ADGRL3: variants seen among roughly 807,000 people sequenced by gnomAD.
The protein encoded by ADGRL3 is calcium-independent alpha-latrotoxin receptor 3.
ADGRL3 carries 62 observed loss-of-function variants against 153.5 expected under a neutral mutation model. The observed-to-expected ratio is 0.40, with a 90% confidence interval of 0.33 to 0.50. The LOEUF (loss-of-function observed/expected upper bound fraction) is 0.50. Ranked by LOEUF, ADGRL3 falls within the 20% of genes least tolerant of loss-of-function variation. The pLI is 0.47. For synonymous variants in ADGRL3, 710 were observed against 672.5 expected (o/e 1.06, Z -0.86); for missense variants, 1,641 against 1,859.4 (o/e 0.88, Z 2.16).
intron 1 of ADGRL3, among the ~76,000 whole-genome samples, chr4:61,231,808 A>T (rs1750777967): frequency 6.6e-6 from 1 of 152,114 alleles, no homozygotes; most frequent in Admixed American, 6.6e-5. Flanking sequence ...ATATAAATTA[A>T]TAAAAGGTAT....
At chr4:61,750,059 A>C (rs772587454) in intron 8 of ADGRL3, among the ~76,000 whole-genome samples, 12 of 151,892 alleles carry the variant, frequency 7.9e-5, no homozygotes, top group Non-Finnish European at 1.6e-4. Flanking sequence ...AGTGGAGCTG[A>C]ACCGTGCCAC....
chr4:61,764,856 G>A (rs7681799), intron 8 of ADGRL3, among the ~76,000 whole-genome samples: 147,324 of 150,568 alleles, frequency 0.98, 72,158 homozygotes, highest in Middle Eastern at 1. Context: ...AGTGGGAGAG[G>A]TTAAGCTGAA....
chr4:61,996,404 A>G, intron 20 of ADGRL3, 47 bp downstream of exon 20: 1 of 1,316,216 alleles, frequency 7.6e-7, no homozygotes. Context: ...AAGAAGTAAA[A>G]CTTTCACTAT....
chr4:61,856,950 C>CTTTCTT (rs767375117), intron 9 of ADGRL3, among the ~76,000 whole-genome samples: 7 of 56,970 alleles, frequency 1.2e-4, no homozygotes, highest in African/African-American at 2.6e-4. Context: ...CTTTCTTCTT[C>CTTTCTT]TCTTTCTTTC....
intron 8 of ADGRL3, among the ~76,000 whole-genome samples, chr4:61,784,734 AGAGT>A (rs1469208620): frequency 5.3e-5 from 8 of 152,096 alleles, no homozygotes; most frequent in Non-Finnish European, 1.0e-4. Context: ...TCAAAATGTG[AGAGT>A]TGGTTCACAG....
At chr4:61,628,653 TTC>T (rs1207944919) in intron 5 of ADGRL3, among the ~76,000 whole-genome samples, 3 of 152,206 alleles carry the variant, frequency 2.0e-5, no homozygotes, top group Non-Finnish European at 2.9e-5. Flanking sequence ...AGATGGTTGG[TTC>T]TTTTCTCCTG....
chr4:61,364,344 A>AAAAAT (rs57090550), intron 1 of ADGRL3, among the ~76,000 whole-genome samples: 1 of 144,904 alleles, frequency 6.9e-6, no homozygotes, highest in Non-Finnish European at 1.5e-5. Context: ...AAAAAAAAAA[A>AAAAAT]AATAATAATA....
intron 1 of ADGRL3, among the ~76,000 whole-genome samples, chr4:61,268,480 A>T (rs1268392678): frequency 1.3e-5 from 2 of 151,630 alleles, no homozygotes; most frequent in Non-Finnish European, 3.0e-5. Flanking sequence ...ATAAAGTTGT[A>T]TAAGAATTTC....
intron 21 of ADGRL3, among the ~76,000 whole-genome samples, chr4:62,005,504 G>T (rs894469366): frequency 6.6e-6 from 1 of 152,094 alleles, no homozygotes; most frequent in Non-Finnish European, 1.5e-5. Context: ...GGAGAGTCAA[G>T]TGCTAAGGAT....
At chr4:61,959,856 G>C (rs1475123134) in intron 17 of ADGRL3, among the ~76,000 whole-genome samples, 2 of 152,060 alleles carry the variant, frequency 1.3e-5, no homozygotes, top group Admixed American at 6.6e-5. Flanking sequence ...CCTATTCCTA[G>C]TTCTTACACT....
chr4:61,964,605 T>C (rs1468343546), intron 17 of ADGRL3, among the ~76,000 whole-genome samples: 2 of 152,092 alleles, frequency 1.3e-5, no homozygotes, highest in Non-Finnish European at 2.9e-5. Flanking sequence ...TATGTGAACA[T>C]TGGGAATTCC....
At chr4:61,577,103 C>T (rs1389266043) in intron 4 of ADGRL3, among the ~76,000 whole-genome samples, 1 of 150,540 alleles carries the variant, frequency 6.6e-6, no homozygotes, top group Admixed American at 6.6e-5. Flanking sequence ...CAAAACAAAA[C>T]AAAAATTATA....
At chr4:61,606,595 A>T (rs951982468) in intron 5 of ADGRL3, among the ~76,000 whole-genome samples, 1 of 152,036 alleles carries the variant, frequency 6.6e-6, no homozygotes, top group African/African-American at 2.4e-5. Context: ...CATCTTTATG[A>T]CCTTATTTAA....
At chr4:61,766,857 G>A (rs2152268396) in intron 8 of ADGRL3, among the ~76,000 whole-genome samples, 1 of 152,120 alleles carries the variant, frequency 6.6e-6, no homozygotes, top group African/African-American at 2.4e-5. Context: ...GGCACCACGG[G>A]GTGGATAGGC....
intron 1 of ADGRL3, among the ~76,000 whole-genome samples, chr4:61,363,196 G>C (rs1182262508): frequency 6.6e-6 from 1 of 152,154 alleles, no homozygotes; most frequent in Non-Finnish European, 1.5e-5. Context: ...CCTAATGTTA[G>C]TTTCAGGGAG....
intron 5 of ADGRL3, among the ~76,000 whole-genome samples, chr4:61,674,419 C>T (rs1027854579): frequency 2.6e-5 from 4 of 151,392 alleles, no homozygotes; most frequent in Admixed American, 2.6e-4. Context: ...CTGAAAATTA[C>T]AAGAGTAGAT....
intron 2 of ADGRL3, among the ~76,000 whole-genome samples, chr4:61,473,388 G>T (rs1203447729): frequency 6.6e-6 from 1 of 151,906 alleles, no homozygotes; most frequent in African/African-American, 2.4e-5. Flanking sequence ...ACACGGCGAG[G>T]GTGTGTATGT....
intron 6 of ADGRL3, among the ~76,000 whole-genome samples, chr4:61,690,474 A>G (rs1013677881): frequency 6.6e-6 from 1 of 152,034 alleles, no homozygotes; most frequent in African/African-American, 2.4e-5. Context: ...CAATCAAAGG[A>G]AAAACTAATG....
In ADGRL3 at chr4:61,293,024, G is replaced by A. The variant is rs573885389; in HGVS notation, c.-239-90100G>A. Among the ~76,000 whole-genome samples the A allele has an allele frequency of 3.3e-5, 5 of 152,226 alleles. No homozygotes were observed. The East Asian group carries it at 9.7e-4, about 29-fold the overall frequency. On this transcript the variant is annotated intron_variant, in intron 1 of 26. Coordinates refer to ENST00000683033, the MANE Select transcript of ADGRL3 (RefSeq NM_001387552.1). Reference sequence around the variant, plus strand: ...GTTAATCGTCGTCTTTGCTTCCTCTGTTTCAGTCCCACCTATAGCTAGTTA... The same window carrying A: ...GTTAATCGTCGTCTTTGCTTCCTCTATTTCAGTCCCACCTATAGCTAGTTA...
Sources: allele counts gnomAD v4.1 joint callset (sites outside exome capture counted in the v4.1 genomes callset), GRCh38; gene constraint gnomAD v4.1.1; transcripts MANE v1.5; gene names NCBI Gene and HGNC (gene_info 2026-07-23, HGNC 2026-07-21).